The following ANKS1A variants were observed in gnomAD, a reference collection of about 807,000 sequenced individuals.
ANKS1A encodes ankyrin repeat and SAM domain-containing protein 1A.
Under a neutral mutation model 120.3 loss-of-function variants are expected in ANKS1A, and 55 were observed. The ratio of observed to expected loss-of-function variants is 0.46; its 90% CI spans 0.37 to 0.57. ANKS1A has a LOEUF of 0.57. Among genes scored for constraint, ANKS1A ranks in the 20% least tolerant of loss-of-function variants. The pLI, the probability that ANKS1A is intolerant of heterozygous loss-of-function variation, is 0.00. For missense variants in ANKS1A, 1,123 were observed against 1,480.3 expected, an observed-to-expected ratio of 0.76 and a Z score of 3.96; for synonymous variants, 590 against 604.7, an observed-to-expected ratio of 0.98 and a Z score of 0.36.
chr6:34,980,716 G>A (rs1326121245), intron 3 of ANKS1A, among the ~76,000 whole-genome samples: 1 of 152,178 alleles, frequency 6.6e-6, no homozygotes, highest in Non-Finnish European at 1.5e-5. Context: ...TTCTCAAAAA[G>A]GAGAGGTCAT....
At chr6:34,990,626 TAAAG>T (rs571026724) in intron 9 of ANKS1A, among the ~76,000 whole-genome samples, 87 of 152,100 alleles carry the variant, frequency 5.7e-4, no homozygotes, top group Non-Finnish European at 1.1e-3. Flanking sequence ...GCAAGGCTCT[TAAAG>T]AAACACTGGA....
At chr6:34,954,824 A>G (rs1770270641) in intron 1 of ANKS1A, among the ~76,000 whole-genome samples, 1 of 152,090 alleles carries the variant, frequency 6.6e-6, no homozygotes, top group African/African-American at 2.4e-5. Context: ...TCCAGTTCTT[A>G]GTGCTTTCTT....
intron 10 of ANKS1A, among the ~76,000 whole-genome samples, chr6:35,004,236 C>G: frequency 6.6e-6 from 1 of 152,244 alleles, no homozygotes; most frequent in East Asian, 1.9e-4. Context: ...GCTGATGCTC[C>G]CAGCTGATTA....
chr6:35,071,988 G>T (rs1177202780), intron 13 of ANKS1A, among the ~76,000 whole-genome samples: 2 of 152,234 alleles, frequency 1.3e-5, no homozygotes, highest in African/African-American at 2.4e-5. Flanking sequence ...TGGCTAAAAG[G>T]GTCTACACCA....
chr6:34,935,800 C>T lies in ANKS1A; in HGVS notation c.198-31439C>T, dbSNP rs575266506. ...CTGGTGGGCCGGGCGCGGTGGCTCACGCCTGTAATCCCAGCACTTTGGGAG... is the reference window on the plus strand; with the variant it reads ...CTGGTGGGCCGGGCGCGGTGGCTCATGCCTGTAATCCCAGCACTTTGGGAG... On this transcript the variant is annotated intron_variant, in intron 1 of 23. Transcript: ENST00000360359. Among the ~76,000 whole-genome samples, 16 of 151,814 alleles carry T rather than the reference C, an allele frequency of 1.1e-4. No individual in the cohort carries two copies. In the East Asian group the frequency reaches 3.1e-3, roughly 30 times the overall value.
At chr6:34,950,009 C>T (rs958126951) in intron 1 of ANKS1A, among the ~76,000 whole-genome samples, 3 of 152,122 alleles carry the variant, frequency 2.0e-5, no homozygotes, top group Non-Finnish European at 4.4e-5. Flanking sequence ...TCTCTCTGGA[C>T]TAGATCTGGC....
chr6:34,991,811 C>T (rs1356703485), intron 9 of ANKS1A, among the ~76,000 whole-genome samples: 1 of 139,158 alleles, frequency 7.2e-6, no homozygotes, highest in East Asian at 2.0e-4. Flanking sequence ...TATACACACA[C>T]ATATATATAT....
intron 1 of ANKS1A, among the ~76,000 whole-genome samples, chr6:34,896,716 G>A (rs2127443767): frequency 6.6e-6 from 1 of 152,248 alleles, no homozygotes; most frequent in Non-Finnish European, 1.5e-5. Context: ...TGTAATCCCG[G>A]CACTTTGGGA....
intron 1 of ANKS1A, among the ~76,000 whole-genome samples, chr6:34,897,553 T>C (rs1264216006): frequency 6.6e-6 from 1 of 152,210 alleles, no homozygotes; most frequent in Non-Finnish European, 1.5e-5. Context: ...GTCTCTTTTT[T>C]GGAGAGCTCT....
chr6:34,896,644 C>G (rs1179290159), intron 1 of ANKS1A, among the ~76,000 whole-genome samples: 1 of 151,890 alleles, frequency 6.6e-6, no homozygotes, highest in African/African-American at 2.4e-5. Context: ...GCCTGGGCAA[C>G]ATGGCAAGAC....
intron 1 of ANKS1A, among the ~76,000 whole-genome samples, chr6:34,926,225 G>C (rs576694067): frequency 6.6e-6 from 1 of 152,326 alleles, no homozygotes; most frequent in Admixed American, 6.5e-5. Flanking sequence ...AGAGGACACA[G>C]GTGAAGGATG....
intron 1 of ANKS1A, among the ~76,000 whole-genome samples, chr6:34,948,961 C>A (rs1769935511): frequency 6.6e-6 from 1 of 152,126 alleles, no homozygotes; most frequent in Admixed American, 6.5e-5. Context: ...AGACAGGAGG[C>A]CTTGGTTCCA....
At chr6:35,077,445 G>A (rs111526692) in intron 13 of ANKS1A, among the ~76,000 whole-genome samples, 60 of 152,360 alleles carry the variant, frequency 3.9e-4, no homozygotes, top group African/African-American at 1.4e-3. Flanking sequence ...CCGAGCGTGT[G>A]CGAGAATGGC....
chr6:34,963,658 T>C (rs1406496458), intron 1 of ANKS1A, among the ~76,000 whole-genome samples: 2 of 152,206 alleles, frequency 1.3e-5, no homozygotes, highest in Non-Finnish European at 2.9e-5. Flanking sequence ...CTGGTTCATA[T>C]GGTAGTTATA....
intron 3 of ANKS1A, among the ~76,000 whole-genome samples, chr6:34,977,732 C>A (rs146394927): frequency 1.3e-5 from 2 of 152,068 alleles, no homozygotes; most frequent in Non-Finnish European, 2.9e-5. Context: ...TGCTTTCATG[C>A]TTCTCCTGTG....
Position 35,054,136 on chromosome 6 carries a change from A to G in ANKS1A, c.2048A>G (p.Asp683Gly), listed in dbSNP as rs1365793594. 6.2e-7 allele frequency: 1 copy of G among 1,614,036 alleles called. No homozygotes were observed. Among genetic ancestry groups the G allele is most frequent in the East Asian group, 2.2e-5 (1 of 44,886 alleles). ...KIMSSIGEGI[D>G]FSQERQKISG... ...ATGAGTTCTATTGGAGAAGGGATTGACTTTTCTCAGGAACGGCAGAAGATC... is the reference window on the plus strand; with the variant it reads ...ATGAGTTCTATTGGAGAAGGGATTGGCTTTTCTCAGGAACGGCAGAAGATC... The change falls in exon 12 of 24, where the codon GAC becomes GGC. Residue 683 changes from aspartate (D) to glycine (G), a missense_variant. Asp to Gly is a moderately conservative substitution (Grantham distance 94). This residue lies in a region of ANKS1A where 904 missense variants were observed against 1,130.4 expected (regional missense o/e 0.80). Coordinates refer to ENST00000360359, the MANE Select transcript of ANKS1A (RefSeq NM_015245.3).
intron 1 of ANKS1A, among the ~76,000 whole-genome samples, chr6:34,950,754 A>T (rs568012037): frequency 7.0e-6 from 1 of 143,456 alleles, no homozygotes; most frequent in South Asian, 2.5e-4. Context: ...ACAGTGGAGG[A>T]TGAGGAACTT....
At chr6:35,052,609 TA>T (rs59378149) in intron 11 of ANKS1A, among the ~76,000 whole-genome samples, 23,105 of 102,286 alleles carry the variant, frequency 0.23, 2,834 homozygotes, top group East Asian at 0.56. Context: ...TCTTCTCTGT[TA>T]AAAAAAAAAA....
At chr6:35,097,048 T>A in the ANKS1A span, among the ~76,000 whole-genome samples, 2 of 151,096 alleles carry the variant, frequency 1.3e-5, no homozygotes, top group Non-Finnish European at 3.0e-5. Flanking sequence ...TTTTTTTTTT[T>A]ATCTTAAAGG....
Sources: gnomAD v4.1 joint callset for allele counts (sites outside exome capture counted in the v4.1 genomes callset) on GRCh38, gnomAD v4.1.1 for gene constraint, gnomAD v4.1.1 regional missense constraint, MANE v1.5 for transcripts, NCBI Gene and HGNC (gene_info 2026-07-23, HGNC 2026-07-21) for gene names.